NUDT21: variants seen among roughly 807,000 people sequenced by gnomAD.
NUDT21 encodes the protein nudix hydrolase 21, also known as cleavage and polyadenylation specificity factor subunit 5.
In NUDT21, 5 loss-of-function variants were observed where a neutral mutation model predicts 29.8. The ratio of observed to expected loss-of-function variants is 0.17; its 90% CI spans 0.09 to 0.35. The LOEUF (loss-of-function observed/expected upper bound fraction) is 0.35, where lower values mean the gene tolerates loss of function less well. NUDT21 is among the 10% of genes least tolerant of loss of function. The probability of loss-of-function intolerance (pLI) is 1.00; values close to 1 mark genes in which losing one functional copy is unlikely to be tolerated. For synonymous variants in NUDT21, 113 were observed against 98.5 expected (o/e 1.15, Z -0.87); for missense variants, 76 against 276.0 (o/e 0.28, Z 5.13).
chr16:56,447,675 T>C (rs1962234450), intron 2 of NUDT21, 114 bp downstream of exon 2: 2 of 854,568 alleles, frequency 2.3e-6, no homozygotes, highest in Non-Finnish European at 1.9e-6. Context: ...AAAGACATCA[T>C]TAACAGCAGT....
At chr16:56,445,979 CT>C (rs1284349925) in intron 3 of NUDT21, among the ~76,000 whole-genome samples, 1 of 152,138 alleles carries the variant, frequency 6.6e-6, no homozygotes, top group African/African-American at 2.4e-5. Context: ...GTTTGCCAAG[CT>C]TTTTGCACAG....
intron 3 of NUDT21, 94 bp from the exon 4 acceptor site, chr16:56,439,840 T>C: frequency 2.1e-6 from 2 of 939,512 alleles, no homozygotes; most frequent in Non-Finnish European, 3.5e-6. Flanking sequence ...GTGCTCCTAA[T>C]TGAAACATAG....
chr16:56,436,190 G>A (rs1320493159), intron 4 of NUDT21, among the ~76,000 whole-genome samples: 2 of 151,994 alleles, frequency 1.3e-5, no homozygotes, highest in East Asian at 3.9e-4. Context: ...TTTGCTGTTG[G>A]AGTTGTATCT....
chr16:56,448,072 T>G, intron 1 of NUDT21, 83 bp from the exon 2 acceptor site: 2 of 1,261,750 alleles, frequency 1.6e-6, no homozygotes, highest in Non-Finnish European at 2.2e-6. Flanking sequence ...GAAACCATGG[T>G]ACAAAAAAAG....
intron 3 of NUDT21, among the ~76,000 whole-genome samples, chr16:56,445,355 C>G (rs1284788285): frequency 6.6e-6 from 1 of 152,192 alleles, no homozygotes; most frequent in Non-Finnish European, 1.5e-5. Flanking sequence ...TACAGGCATG[C>G]AATGCGTAAT....
intron 6 of NUDT21, among the ~76,000 whole-genome samples, chr16:56,433,577 AC>A (rs561908769): frequency 1.2e-3 from 179 of 152,210 alleles, no homozygotes; most frequent in South Asian, 5.4e-3. Flanking sequence ...AAAGATTCAA[AC>A]CCCACGTAAA....
At chr16:56,450,491 C>T (rs924316328) in intron 1 of NUDT21, among the ~76,000 whole-genome samples, 26 of 152,204 alleles carry the variant, frequency 1.7e-4, no homozygotes, top group African/African-American at 6.3e-4. Flanking sequence ...CCTGGGATGC[C>T]GGCATTGAGA....
At chr16:56,436,851 T>C (rs1020967769) in intron 4 of NUDT21, among the ~76,000 whole-genome samples, 3 of 150,914 alleles carry the variant, frequency 2.0e-5, no homozygotes, top group South Asian at 2.1e-4. Context: ...ACTTACCTTA[T>C]GTCAAATACC....
At chr16:56,436,249 G>A (rs1297215331) in intron 4 of NUDT21, among the ~76,000 whole-genome samples, 1 of 152,092 alleles carries the variant, frequency 6.6e-6, no homozygotes, top group Non-Finnish European at 1.5e-5. Flanking sequence ...AGGGGAAAGT[G>A]AGATAAAAGC....
At chr16:56,442,319 G>A (rs1260327455) in intron 3 of NUDT21, among the ~76,000 whole-genome samples, 2 of 152,198 alleles carry the variant, frequency 1.3e-5, no homozygotes, top group Non-Finnish European at 2.9e-5. Context: ...TACAAGAGAT[G>A]TAACTTTTTG....
intron 3 of NUDT21, 108 bp from the exon 4 acceptor site, chr16:56,439,854 T>TAA: frequency 1.2e-6 from 1 of 820,490 alleles, no homozygotes; most frequent in Non-Finnish European, 2.1e-6. Context: ...AACATAGGGA[T>TAA]AATATGCCTT....
intron 3 of NUDT21, among the ~76,000 whole-genome samples, chr16:56,440,561 T>C (rs780460669): frequency 6.6e-6 from 1 of 152,204 alleles, no homozygotes; most frequent in Non-Finnish European, 1.5e-5. Context: ...TGGTCAAGTA[T>C]TTTGTAAAAC....
At chr16:56,441,269 C>T (rs1299488295) in intron 3 of NUDT21, among the ~76,000 whole-genome samples, 3 of 151,434 alleles carry the variant, frequency 2.0e-5, no homozygotes, top group East Asian at 4.0e-4. Flanking sequence ...CAGAGTCTCG[C>T]TCTGTTGCCC....
chr16:56,433,431 A>G (rs1349716654), intron 6 of NUDT21, among the ~76,000 whole-genome samples: 1 of 152,226 alleles, frequency 6.6e-6, no homozygotes, highest in African/African-American at 2.4e-5. Flanking sequence ...TTCAAATCCA[A>G]AACACTGACT....
At chr16:56,435,590 G>A (rs1203824799) in intron 4 of NUDT21, among the ~76,000 whole-genome samples, 1 of 148,082 alleles carries the variant, frequency 6.8e-6, no homozygotes, top group Non-Finnish European at 1.5e-5. Flanking sequence ...GCCAGGCGTG[G>A]TGGCGGGCGC....
chr16:56,435,553 C>T (rs1333385115), intron 4 of NUDT21, among the ~76,000 whole-genome samples: 1 of 149,384 alleles, frequency 6.7e-6, no homozygotes, highest in Non-Finnish European at 1.5e-5. Context: ...AGTGAAATCC[C>T]GTCTCTACTA....
intron 1 of NUDT21, among the ~76,000 whole-genome samples, chr16:56,450,870 G>A (rs1962297723): frequency 6.6e-6 from 1 of 152,228 alleles, no homozygotes; most frequent in African/African-American, 2.4e-5. Context: ...GAATACATAG[G>A]ATGGGAACAA....
chr16:56,433,110 C>T (rs75782657), intron 6 of NUDT21, among the ~76,000 whole-genome samples: 2,231 of 152,272 alleles, frequency 0.015, 58 homozygotes, highest in African/African-American at 0.051. Context: ...CTTTTCCCCC[C>T]ATATGCATTT....
At chr16:56,444,634 A>C (rs1962198137) in intron 3 of NUDT21, among the ~76,000 whole-genome samples, 1 of 151,944 alleles carries the variant, frequency 6.6e-6, no homozygotes, top group South Asian at 2.1e-4. Context: ...AAAAAAAAAA[A>C]ACAAGCCTAA....
Sources: gnomAD v4.1 joint callset for allele counts (sites outside exome capture counted in the v4.1 genomes callset) on GRCh38, gnomAD v4.1.1 for gene constraint, MANE v1.5 for transcripts, NCBI Gene and HGNC (gene_info 2026-07-23, HGNC 2026-07-21) for gene names.